ASIC2: variants seen among roughly 807,000 people sequenced by gnomAD.
The protein encoded by ASIC2 is acid sensing ion channel subunit 2.
Under a neutral mutation model 57.3 loss-of-function variants are expected in ASIC2, and 25 were observed. The observed-to-expected ratio is 0.44, with a 90% confidence interval of 0.32 to 0.61. ASIC2 has a LOEUF of 0.61. Ranked by LOEUF, ASIC2 falls within the 20% of genes least tolerant of loss-of-function variation. ASIC2 has a pLI of 0.06. For synonymous variants in ASIC2, 319 were observed against 307.5 expected, an observed-to-expected ratio of 1.04 and a Z score of -0.39; for missense variants, 641 against 738.1, an observed-to-expected ratio of 0.87 and a Z score of 1.52.
intron 1 of ASIC2, among the ~76,000 whole-genome samples, chr17:34,097,713 T>C (rs1910597900): frequency 6.6e-6 from 1 of 152,200 alleles, no homozygotes; most frequent in South Asian, 2.1e-4. Flanking sequence ...TCCACAGATA[T>C]GGAATCCATG....
chr17:33,822,307 A>C (rs77654415), intron 1 of ASIC2, among the ~76,000 whole-genome samples: 1 of 152,184 alleles, frequency 6.6e-6, no homozygotes, highest in African/African-American at 2.4e-5. Context: ...AACACTTTAG[A>C]TGAATAAAGC....
intron 1 of ASIC2, among the ~76,000 whole-genome samples, chr17:33,908,658 A>G (rs1427799019): frequency 6.6e-6 from 1 of 152,136 alleles, no homozygotes; most frequent in African/African-American, 2.4e-5. Flanking sequence ...AGTTACTATT[A>G]CCACCCACCA....
At chr17:33,618,509 C>T (rs1905677595) in intron 1 of ASIC2, among the ~76,000 whole-genome samples, 1 of 152,124 alleles carries the variant, frequency 6.6e-6, no homozygotes, top group Non-Finnish European at 1.5e-5. Context: ...TCAATAATTA[C>T]ATGTTTATAA....
At chr17:33,260,102 G>A (rs531455764) in intron 1 of ASIC2, among the ~76,000 whole-genome samples, 2 of 152,206 alleles carry the variant, frequency 1.3e-5, no homozygotes, top group African/African-American at 2.4e-5. Flanking sequence ...TCATACCACC[G>A]CACTCCAGCC....
chr17:33,423,095 C>T (rs1227753760), intron 1 of ASIC2, among the ~76,000 whole-genome samples: 3 of 152,024 alleles, frequency 2.0e-5, no homozygotes, highest in Non-Finnish European at 2.9e-5. Flanking sequence ...GTTGGGGGCT[C>T]GCACCAGCAT....
At chr17:33,547,476 C>A (rs1046666642) in intron 1 of ASIC2, among the ~76,000 whole-genome samples, 1 of 152,112 alleles carries the variant, frequency 6.6e-6, no homozygotes, top group African/African-American at 2.4e-5. Flanking sequence ...GGTCTGGACC[C>A]AGCTTTGGAG....
chr17:33,408,942 G>A (rs1406126080), intron 1 of ASIC2, among the ~76,000 whole-genome samples: 1 of 152,236 alleles, frequency 6.6e-6, no homozygotes, highest in Non-Finnish European at 1.5e-5. Flanking sequence ...GGCTGGGCGT[G>A]ATGGCCCATG....
intron 1 of ASIC2, among the ~76,000 whole-genome samples, chr17:33,258,062 C>T (rs1909143751): frequency 6.6e-6 from 1 of 152,210 alleles, no homozygotes; most frequent in Middle Eastern, 3.2e-3. Context: ...TGACAGGAAC[C>T]ATGCTGAGTA....
chr17:33,037,379 A>ACTTCCCC (rs1333809015), intron 3 of ASIC2, among the ~76,000 whole-genome samples: 1 of 144,996 alleles, frequency 6.9e-6, no homozygotes, highest in Non-Finnish European at 1.5e-5. Context: ...AGGGTCAGCC[A>ACTTCCCC]CTTCCCCCTC....
At chr17:33,539,249 G>A (rs1374724122) in intron 1 of ASIC2, among the ~76,000 whole-genome samples, 1 of 152,218 alleles carries the variant, frequency 6.6e-6, no homozygotes, top group Non-Finnish European at 1.5e-5. Flanking sequence ...GATGCTTATT[G>A]CTTGCAAAGA....
At chr17:34,050,980 GTGTT>G (rs1908533622) in intron 1 of ASIC2, among the ~76,000 whole-genome samples, 1 of 152,148 alleles carries the variant, frequency 6.6e-6, no homozygotes, top group Admixed American at 6.5e-5. Flanking sequence ...TTGCAGATAG[GTGTT>G]TATTTCCATG....
At chr17:33,848,723 G>A (rs903676193) in intron 1 of ASIC2, among the ~76,000 whole-genome samples, 1 of 151,520 alleles carries the variant, frequency 6.6e-6, no homozygotes, top group African/African-American at 2.5e-5. Flanking sequence ...AAGGAATGGA[G>A]AGGTACCTGG....
At chr17:34,094,493 A>G (rs76159701) in intron 1 of ASIC2, among the ~76,000 whole-genome samples, 7,143 of 152,226 alleles carry the variant, frequency 0.047, 509 homozygotes, top group African/African-American at 0.15. Flanking sequence ...TTCTTACAAC[A>G]TCCATGATGG....
intron 1 of ASIC2, among the ~76,000 whole-genome samples, chr17:33,523,713 G>A (rs942705417): frequency 1.3e-5 from 2 of 152,058 alleles, no homozygotes; most frequent in South Asian, 2.1e-4. Flanking sequence ...AAATAATCTC[G>A]AAGACACCCA....
intron 1 of ASIC2, among the ~76,000 whole-genome samples, chr17:33,611,647 G>A (rs567609573): frequency 2.6e-5 from 4 of 152,216 alleles, no homozygotes; most frequent in Non-Finnish European, 4.4e-5. Flanking sequence ...AGGGGCAGTG[G>A]CCATCTGGAG....
chr17:33,628,971 T>G (rs766249483), intron 1 of ASIC2, among the ~76,000 whole-genome samples: 3 of 152,188 alleles, frequency 2.0e-5, no homozygotes, highest in African/African-American at 7.2e-5. Context: ...GAATACAGCA[T>G]GGATGCGGCC....
At chr17:33,371,494 G>A (rs982779766) in intron 1 of ASIC2, among the ~76,000 whole-genome samples, 3 of 152,204 alleles carry the variant, frequency 2.0e-5, no homozygotes, top group Non-Finnish European at 2.9e-5. Context: ...GGCCTGATGG[G>A]AATCTTACTA....
At chr17:33,923,227 G>A (rs1915747420) in intron 1 of ASIC2, among the ~76,000 whole-genome samples, 1 of 152,174 alleles carries the variant, frequency 6.6e-6, no homozygotes, top group Non-Finnish European at 1.5e-5. Flanking sequence ...GAGAAAATGA[G>A]GCCATTCCTC....
chr17:33,947,459 A>C (rs1416140866), intron 1 of ASIC2, among the ~76,000 whole-genome samples: 1 of 152,216 alleles, frequency 6.6e-6, no homozygotes, highest in Non-Finnish European at 1.5e-5. Flanking sequence ...TGCTGTGGGA[A>C]CATAGAAGAG....
Sources: gnomAD v4.1 joint callset for allele counts (sites outside exome capture counted in the v4.1 genomes callset) on GRCh38, gnomAD v4.1.1 for gene constraint, MANE v1.5 for transcripts, NCBI Gene and HGNC (gene_info 2026-07-23, HGNC 2026-07-21) for gene names.